AFTPH: variants seen among roughly 807,000 people sequenced by gnomAD.
The protein encoded by AFTPH is aftiphilin, also known as aftiphilin protein.
Under a neutral mutation model 72.5 loss-of-function variants are expected in AFTPH, and 7 were observed. The ratio of observed to expected loss-of-function variants is 0.10; its 90% confidence interval spans 0.05 to 0.18. The LOEUF (loss-of-function observed/expected upper bound fraction) is 0.18, where lower values mean the gene tolerates loss of function less well. Ranked by LOEUF, AFTPH falls within the 10% of genes least tolerant of loss-of-function variation. AFTPH has a pLI of 1.00. For missense variants in AFTPH, 979 were observed against 1,060.5 expected (o/e 0.92, Z 1.07); for synonymous variants, 337 against 370.1 (o/e 0.91, Z 1.03).
intron 1 of AFTPH, among the ~76,000 whole-genome samples, chr2:64,530,864 C>A (rs1258379264): frequency 6.6e-6 from 1 of 151,916 alleles, no homozygotes; most frequent in Non-Finnish European, 1.5e-5. Context: ...GAGTTTGAGA[C>A]CAGCCTGGCC....
intron 7 of AFTPH, among the ~76,000 whole-genome samples, chr2:64,581,766 A>G: frequency 6.6e-6 from 1 of 152,224 alleles, no homozygotes. Context: ...ATTGGGTTCC[A>G]AAATGTTGGA....
intron 2 of AFTPH, among the ~76,000 whole-genome samples, chr2:64,554,215 C>G (rs1671224893): frequency 6.6e-6 from 1 of 152,146 alleles, no homozygotes; most frequent in African/African-American, 2.4e-5. Flanking sequence ...GATTCAGACT[C>G]TTTCAGAAAA....
chr2:64,573,185 T>G, intron 6 of AFTPH, 117 bp downstream of exon 6: 1 of 761,604 alleles, frequency 1.3e-6, no homozygotes, highest in Non-Finnish European at 2.1e-6. Context: ...AAGCTTGATT[T>G]AATGATGGAC....
At chr2:64,584,258 TA>T (rs1437933897) in intron 7 of AFTPH, among the ~76,000 whole-genome samples, 3 of 152,138 alleles carry the variant, frequency 2.0e-5, no homozygotes, top group Non-Finnish European at 4.4e-5. Context: ...TTTTTAATGT[TA>T]TTGTTGTCAT....
chr2:64,575,534 T>C (rs1184327137), intron 6 of AFTPH, among the ~76,000 whole-genome samples: 1 of 151,980 alleles, frequency 6.6e-6, no homozygotes. Flanking sequence ...GGAAAATCAC[T>C]TGAGCTCAGA....
At chr2:64,583,049 A>AATTTG (rs567419454) in intron 7 of AFTPH, among the ~76,000 whole-genome samples, 137 of 152,246 alleles carry the variant, frequency 9.0e-4, no homozygotes, top group Middle Eastern at 3.4e-3. Context: ...ATGCTATATA[A>AATTTG]ATTTGATTAC....
At chr2:64,546,375 CT>C (rs781075157) in intron 1 of AFTPH, among the ~76,000 whole-genome samples, 10 of 152,124 alleles carry the variant, frequency 6.6e-5, no homozygotes, top group Non-Finnish European at 1.5e-4. Context: ...CAGTTTAATA[CT>C]GTCAAATTTG....
At chr2:64,577,156 C>T (rs1672870068) in intron 6 of AFTPH, among the ~76,000 whole-genome samples, 1 of 152,114 alleles carries the variant, frequency 6.6e-6, no homozygotes, top group Non-Finnish European at 1.5e-5. Flanking sequence ...CCTCCTGTCT[C>T]CATGTTTTTG....
intron 1 of AFTPH, among the ~76,000 whole-genome samples, chr2:64,547,967 G>C (rs777151533): frequency 2.0e-4 from 31 of 151,692 alleles, no homozygotes; most frequent in Non-Finnish European, 3.8e-4. Flanking sequence ...TGTTTTTTTT[G>C]TAAAGACAGG....
Position 64,567,733 on chromosome 2 carries a change from T to TATAA in AFTPH, c.2087+21_2087+22insTAAA, listed in dbSNP as rs1672171465. On this transcript the variant is annotated intron_variant, in intron 3 of 8. Transcript: ENST00000238856. ...AAGTGGGTAAGTAGGAGACTGTTTTTAGATAGCATGTGTTTTTGTTATTTT... is the reference window on the plus strand; with the variant it reads ...AAGTGGGTAAGTAGGAGACTGTTTTTATAAAGATAGCATGTGTTTTTGTTATTTT... The TATAA allele has an allele frequency of 1.3e-6, 2 of 1,591,926 alleles. No homozygotes were observed. Among genetic ancestry groups the TATAA allele is most frequent in the Non-Finnish European group, 1.7e-6 (2 of 1,171,736 alleles).
intron 1 of AFTPH, 29 bp from the exon 2 acceptor site, chr2:64,551,414 T>G (rs910795408): frequency 7.9e-6 from 12 of 1,519,610 alleles, no homozygotes; most frequent in Non-Finnish European, 8.8e-6. Context: ...ATCTGTCCCC[T>G]CCAAAAATTC....
intron 2 of AFTPH, among the ~76,000 whole-genome samples, chr2:64,564,441 A>G (rs1273608609): frequency 6.6e-6 from 1 of 151,972 alleles, no homozygotes; most frequent in Non-Finnish European, 1.5e-5. Flanking sequence ...AGACCCTGAT[A>G]TCTCCAGATT....
intron 6 of AFTPH, among the ~76,000 whole-genome samples, chr2:64,575,428 C>T (rs1273222939): frequency 6.6e-6 from 1 of 151,968 alleles, no homozygotes; most frequent in Non-Finnish European, 1.5e-5. Context: ...GAGTTCGAGA[C>T]CAGCCTAACC....
intron 1 of AFTPH, among the ~76,000 whole-genome samples, chr2:64,532,085 T>A (rs984938007): frequency 6.6e-6 from 1 of 152,178 alleles, no homozygotes; most frequent in Non-Finnish European, 1.5e-5. Flanking sequence ...GAAAGAAATA[T>A]GTGTAGGAGG....
intron 2 of AFTPH, among the ~76,000 whole-genome samples, chr2:64,560,547 C>T (rs1048006286): frequency 2.6e-5 from 4 of 152,184 alleles, no homozygotes; most frequent in African/African-American, 9.7e-5. Context: ...TGAGCCCTTT[C>T]TCCATAAAAT....
chr2:64,524,487 G>A, exon 1 of AFTPH: 1 of 400,642 alleles, frequency 2.5e-6, no homozygotes, highest in Non-Finnish European at 4.4e-6. Context: ...TGCGCTGACA[G>A]GGCTGTGAGC....
intron 1 of AFTPH, among the ~76,000 whole-genome samples, chr2:64,531,571 A>G (rs1349246683): frequency 6.6e-6 from 1 of 152,202 alleles, no homozygotes; most frequent in Admixed American, 6.5e-5. Context: ...AAGCTATTTA[A>G]GTATAAAAAA....
chr2:64,532,234 T>G (rs1669667129), intron 1 of AFTPH, among the ~76,000 whole-genome samples: 1 of 152,126 alleles, frequency 6.6e-6, no homozygotes, highest in South Asian at 2.1e-4. Flanking sequence ...ATTATCTACC[T>G]TTCAGAAACT....
intron 1 of AFTPH, among the ~76,000 whole-genome samples, chr2:64,550,628 T>C (rs983806963): frequency 8.0e-5 from 12 of 150,636 alleles, no homozygotes; most frequent in Admixed American, 2.7e-4. Context: ...CTGATTGTAG[T>C]GATGGTCACT....
Sources: allele counts gnomAD v4.1 joint callset (sites outside exome capture counted in the v4.1 genomes callset), GRCh38; gene constraint gnomAD v4.1.1; transcripts MANE v1.5; gene names NCBI Gene and HGNC (gene_info 2026-07-23, HGNC 2026-07-21).